Variants in ATG7 observed in about 807,000 individuals in gnomAD.
ATG7 encodes autophagy related 7, also known as ubiquitin-like modifier-activating enzyme ATG7.
In ATG7, 70 loss-of-function variants were observed where a neutral mutation model predicts 82.4. That is an observed-to-expected ratio of 0.85 (90% confidence interval 0.70 to 1.04). The LOEUF is 1.04. Ranked by LOEUF, ATG7 falls within the 50% of genes least tolerant of loss-of-function variation. The pLI is 0.00. For synonymous variants in ATG7, 287 were observed against 313.0 expected, an observed-to-expected ratio of 0.92 and a Z score of 0.88; for missense variants, 792 against 864.3, an observed-to-expected ratio of 0.92 and a Z score of 1.05.
intron 19 of ATG7, among the ~76,000 whole-genome samples, chr3:11,392,542 C>T (rs942877940): frequency 1.3e-5 from 2 of 151,798 alleles, no homozygotes; most frequent in African/African-American, 4.8e-5. Flanking sequence ...AGAAACAGAA[C>T]GATGGTATTT....
At chr3:11,364,420 G>T (rs533777831) in intron 17 of ATG7, among the ~76,000 whole-genome samples, 4 of 152,310 alleles carry the variant, frequency 2.6e-5, no homozygotes, top group African/African-American at 9.6e-5. Flanking sequence ...CTGAAGCACA[G>T]AAAAGTTAAG....
chr3:11,423,978 G>C (rs982132260), intron 19 of ATG7, among the ~76,000 whole-genome samples: 2 of 152,046 alleles, frequency 1.3e-5, no homozygotes, highest in Admixed American at 6.6e-5. Flanking sequence ...TCTCTTCTCC[G>C]ACTCTCTGCA....
At position 11,448,132 on chromosome 3, in the gene ATG7, C is replaced by G. The variant is rs920782722; in HGVS notation, c.2079+21206C>G. 3.9e-5 allele frequency among the ~76,000 whole-genome samples: 6 copies of G among 152,170 alleles called. No individual in the cohort carries two copies. In the East Asian group the frequency reaches 1.2e-3, roughly 29 times the overall value. On this transcript the variant is annotated intron_variant, in intron 20 of 20. Transcript: ENST00000693202. ...ATTTACCCCCATCTTCTCACCTAAC[C>G]ACAGATACCAGAAAAGAAGTCTTTA...
At chr3:11,562,453 T>A (rs377319640), downstream of ATG7, among the ~76,000 whole-genome samples, 22 of 152,270 alleles carry the variant, frequency 1.4e-4, no homozygotes, top group South Asian at 4.4e-3. Context: ...CCTGCCTGCC[T>A]GTGGACACAG....
intron 20 of ATG7, among the ~76,000 whole-genome samples, chr3:11,520,827 A>G (rs1159351619): frequency 2.0e-5 from 3 of 152,174 alleles, no homozygotes; most frequent in Non-Finnish European, 4.4e-5. Flanking sequence ...AAAAGTCAGC[A>G]TTTAGTAGGA....
At chr3:11,277,443 A>G (rs1392758061) in intron 1 of ATG7, 1 of 152,398 alleles carries the variant, frequency 6.6e-6, no homozygotes, top group Non-Finnish European at 1.5e-5. Flanking sequence ...ATTTTCCATA[A>G]GTGTCAGCTG....
intron 20 of ATG7, among the ~76,000 whole-genome samples, chr3:11,444,333 T>G (rs1317113580): frequency 1.3e-5 from 2 of 152,140 alleles, no homozygotes; most frequent in African/African-American, 4.8e-5. Context: ...TTATCACTCC[T>G]CCTAGGGGGA....
At chr3:11,567,662 G>C in the ATG7 span, among the ~76,000 whole-genome samples, 1 of 152,216 alleles carries the variant, frequency 6.6e-6, no homozygotes, top group Non-Finnish European at 1.5e-5. Context: ...TATGATCCCA[G>C]ACACCGATGT....
intron 20 of ATG7, among the ~76,000 whole-genome samples, chr3:11,456,318 A>G (rs974813869): frequency 6.6e-6 from 1 of 152,176 alleles, no homozygotes; most frequent in Admixed American, 6.5e-5. Context: ...TCAGAACTTC[A>G]TTCCTTTTTA....
intron 14 of ATG7, among the ~76,000 whole-genome samples, chr3:11,355,389 T>C (rs1206877115): frequency 6.6e-6 from 1 of 152,184 alleles, no homozygotes; most frequent in African/African-American, 2.4e-5. Context: ...TAGTTGACTT[T>C]ATAAAAATTT....
chr3:11,390,219 A>G (rs1296396577), intron 19 of ATG7, among the ~76,000 whole-genome samples: 1 of 152,162 alleles, frequency 6.6e-6, no homozygotes, highest in Non-Finnish European at 1.5e-5. Context: ...TCGTTATTTC[A>G]GTTTGACTTG....
rs551864479 is a variant in ATG7, at chr3:11,306,924, G to C, written c.216-19G>C. ...GAGTCCCAGCTGTGCCTGACTAACCGTGTTTCTCTTGTATCTAGGAGTGCT... is the reference window on the plus strand; with the variant it reads ...GAGTCCCAGCTGTGCCTGACTAACCCTGTTTCTCTTGTATCTAGGAGTGCT... On this transcript the variant is annotated intron_variant, in intron 5 of 20. Coordinates refer to ENST00000693202, the MANE Select transcript of ATG7 (RefSeq NM_001349232.2). 6.2e-7 allele frequency: 1 copy of C among 1,602,486 alleles called. No individual in the cohort carries two copies.
rs151252512 is a variant in ATG7, at chr3:11,297,820, T to G, written c.-10-866T>G. ...GTTGTTGCATTTCTGAGTGGCTGGA[T>G]TTAGGATTTTGTACTTGCAGAGTTC... On this transcript the variant is annotated intron_variant, in intron 3 of 20. Coordinates refer to ENST00000693202, the MANE Select transcript of ATG7 (RefSeq NM_001349232.2). 5.2e-3 allele frequency among the ~76,000 whole-genome samples: 785 copies of G among 152,156 alleles called. 7 individuals are homozygous for G. Among genetic ancestry groups the G allele is most frequent in the African/African-American group, 0.018 (739 of 41,508 alleles).
chr3:11,568,751 C>G, the ATG7 span: 1 of 1,516,712 alleles, frequency 6.6e-7, no homozygotes, highest in Non-Finnish European at 8.8e-7. The surrounding 1 kb of genome is among the most constrained non-coding windows in gnomAD (Gnocchi z 5.9). Flanking sequence ...GCATCCTGCC[C>G]GGGAGATGGA....
chr3:11,372,837 CGTGCGTGCGTGTGCGTGTGTGT>C (rs2077114993), intron 18 of ATG7, among the ~76,000 whole-genome samples: 1 of 90,548 alleles, frequency 1.1e-5, no homozygotes, highest in African/African-American at 7.0e-5. Flanking sequence ...CGTGTGTGTG[CGTGCGTGCGTGTGCGTGTGTGT>C]GTGTGAAATC....
intron 17 of ATG7, 104 bp from the exon 18 acceptor site, chr3:11,364,555 C>T (rs1304848330): frequency 2.4e-6 from 3 of 1,273,664 alleles, no homozygotes; most frequent in Non-Finnish European, 3.4e-6. Flanking sequence ...CAGCAAGGGG[C>T]ATTTTAGTTA....
chr3:11,303,513 C>T (rs1368016002), intron 5 of ATG7, among the ~76,000 whole-genome samples: 1 of 151,344 alleles, frequency 6.6e-6, no homozygotes, highest in Non-Finnish European at 1.5e-5. Context: ...ACTAAAAACA[C>T]AAAAAATTAG....
intron 18 of ATG7, among the ~76,000 whole-genome samples, chr3:11,375,864 T>C (rs924433711): frequency 2.6e-5 from 4 of 152,202 alleles, no homozygotes; most frequent in East Asian, 1.9e-4. Context: ...GCCAAGATTT[T>C]AATATGATGT....
At chr3:11,441,955 C>T (rs569914754) in intron 20 of ATG7, among the ~76,000 whole-genome samples, 37 of 152,172 alleles carry the variant, frequency 2.4e-4, no homozygotes, top group East Asian at 1.4e-3. Context: ...CGTGAGCCAC[C>T]GCGCCTGGCC....
Sources: gnomAD v4.1 joint callset for allele counts (sites outside exome capture counted in the v4.1 genomes callset) on GRCh38, gnomAD v4.1.1 for gene constraint, Gnocchi (gnomAD v3.1) non-coding constraint, MANE v1.5 for transcripts, NCBI Gene and HGNC (gene_info 2026-07-23, HGNC 2026-07-21) for gene names.